TRRAP: variants seen among roughly 807,000 people sequenced by gnomAD.
TRRAP encodes the protein transformation/transcription domain associated protein, also known as transformation/transcription domain-associated protein.
TRRAP carries 41 observed loss-of-function variants against 438.8 expected under a neutral mutation model. The observed-to-expected ratio is 0.09, with a 90% confidence interval of 0.07 to 0.12. The LOEUF is 0.12. Ranked by LOEUF, TRRAP falls within the 10% of genes least tolerant of loss-of-function variation. The probability of loss-of-function intolerance (pLI) is 1.00; values close to 1 mark genes in which losing one functional copy is unlikely to be tolerated. For synonymous variants in TRRAP, 1,994 were observed against 1,962.9 expected, an observed-to-expected ratio of 1.02 and a Z score of -0.42; for missense variants, 3,122 against 5,055.1, an observed-to-expected ratio of 0.62 and a Z score of 11.60.
chr7:98,973,964 C>T (rs548320294), intron 53 of TRRAP, among the ~76,000 whole-genome samples: 10 of 152,328 alleles, frequency 6.6e-5, no homozygotes, highest in African/African-American at 2.2e-4. Flanking sequence ...CCATTTTCCT[C>T]GTTCACCTTT....
intron 62 of TRRAP, among the ~76,000 whole-genome samples, chr7:98,986,751 C>T (rs1185028353): frequency 3.3e-5 from 5 of 152,100 alleles, no homozygotes; most frequent in South Asian, 2.1e-4. Context: ...ATACTTTTCA[C>T]GTCTTCTAAG....
intron 53 of TRRAP, among the ~76,000 whole-genome samples, 191 bp downstream of exon 53, chr7:98,972,136 G>C (rs553760137): frequency 3.3e-5 from 5 of 152,276 alleles, no homozygotes; most frequent in African/African-American, 1.2e-4. Context: ...TCAGTCTCCT[G>C]GGCCAAGCGA....
intron 69 of TRRAP, among the ~76,000 whole-genome samples, chr7:99,006,860 G>A (rs932853706): frequency 6.6e-6 from 1 of 152,170 alleles, no homozygotes; most frequent in Non-Finnish European, 1.5e-5. Context: ...TATGGGGTAG[G>A]TACTATTATC....
intron 51 of TRRAP, among the ~76,000 whole-genome samples, chr7:98,968,465 A>G (rs1231704883): frequency 6.6e-6 from 1 of 152,216 alleles, no homozygotes; most frequent in South Asian, 2.1e-4. Context: ...GTCCAGACCT[A>G]GAGTAGAATT....
At chr7:98,991,142 A>G (rs192398328) in intron 64 of TRRAP, among the ~76,000 whole-genome samples, 6 of 152,320 alleles carry the variant, frequency 3.9e-5, no homozygotes, top group South Asian at 2.1e-4. Flanking sequence ...CCCTATGGAA[A>G]GGCTCTCATA....
intron 39 of TRRAP, among the ~76,000 whole-genome samples, chr7:98,951,620 GTGTT>G (rs1791342184): frequency 6.6e-6 from 1 of 152,192 alleles, no homozygotes; most frequent in African/African-American, 2.4e-5. Context: ...CTCACACTGA[GTGTT>G]TGTTGGAATG....
chr7:98,918,997 A>G (rs1355971867), intron 20 of TRRAP, among the ~76,000 whole-genome samples: 2 of 152,062 alleles, frequency 1.3e-5, no homozygotes, highest in South Asian at 2.1e-4. Flanking sequence ...AAAAAAAAAA[A>G]AAAGAAAAAA....
intron 19 of TRRAP, among the ~76,000 whole-genome samples, chr7:98,916,794 C>T (rs1363612287): frequency 6.6e-6 from 1 of 152,200 alleles, no homozygotes; most frequent in East Asian, 1.9e-4. Context: ...CCTCTATCCT[C>T]CTCATCCTTT....
chr7:98,975,073 G>A (rs1050683680), intron 53 of TRRAP, among the ~76,000 whole-genome samples: 1 of 152,228 alleles, frequency 6.6e-6, no homozygotes, highest in South Asian at 2.1e-4. Flanking sequence ...ACGTGGAGCT[G>A]AGAGCCCCTG....
At position 99,011,487 on chromosome 7, in the gene TRRAP, A is replaced by G. The variant is rs778495492; in HGVS notation, c.11289A>G (p.Thr3763=). 3.7e-6 allele frequency: 6 copies of G among 1,614,114 alleles called. 1 individual carries two copies. The African/African-American group carries it at 5.3e-5, about 14-fold the overall frequency. ...LTTIGVSGPL[T]ASMIAVARCF... ...CCATCGGGGTCTCCGGCCCGTTGAC[A>G]GCGTCCATGATTGCGGTCGCCCGGT... is the stretch of plus-strand genomic sequence containing the variant. The change falls in exon 72 of 73, where the codon ACA becomes ACG. Residue 3763 remains threonine (T), a synonymous_variant. Transcript: ENST00000456197. The surrounding 1 kb of genome is among the most constrained non-coding windows in gnomAD (Gnocchi z 7.1).
chr7:98,988,378 TAAAC>T (rs1208444594), intron 62 of TRRAP, among the ~76,000 whole-genome samples: 1 of 152,228 alleles, frequency 6.6e-6, no homozygotes. Context: ...AATGAACAGA[TAAAC>T]AAAATGTTTA....
intron 30 of TRRAP, among the ~76,000 whole-genome samples, chr7:98,941,558 AAG>A (rs1554415598): frequency 6.6e-6 from 1 of 152,182 alleles, no homozygotes; most frequent in East Asian, 1.9e-4. Context: ...TTGGGAAAAA[AAG>A]AATGGTGATG....
intron 60 of TRRAP, 30 bp from the exon 61 acceptor site, chr7:98,984,062 TG>T: frequency 6.5e-7 from 1 of 1,540,274 alleles, no homozygotes. Flanking sequence ...AGGATCGGTG[TG>T]GGCTAATGAT....
At position 98,949,672 on chromosome 7, in the gene TRRAP, A is replaced by G; in HGVS notation, c.4966A>G (p.Ile1656Val). ...QFQAIKIISI[I>V]VKNDDSWLAS... ...TCTTCTTTGACAGATCATAAGCATT[A>G]TAGTGAAAAACGATGACTCCTGGCT... The change falls in exon 37 of 73, where the codon ATA (isoleucine) becomes GTA (valine). Residue 1656 changes from isoleucine to valine, a missense_variant. Ile to Val is a conservative substitution (Grantham distance 29). Around this residue, in one of 24 missense-constraint regions of TRRAP, gnomAD observed 272 missense variants for 348.5 expected, o/e 0.78. Transcript: ENST00000456197. 2 of 1,613,410 alleles carry G rather than the reference A, an allele frequency of 1.2e-6. No homozygotes were observed. Among genetic ancestry groups the G allele is most frequent in the Non-Finnish European group, 1.7e-6 (2 of 1,179,720 alleles).
At position 99,013,126 on chromosome 7, in the gene TRRAP, C is replaced by T. The variant is rs967405761; in HGVS notation, c.*771C>T. 2.3e-4 allele frequency: 35 copies of T among 152,194 alleles called. No individual in the cohort carries two copies. Among genetic ancestry groups the T allele is most frequent in the Admixed American group, 2.3e-3 (35 of 15,284 alleles). The allele number at this position is 152,194 out of a possible 1,614,324, so 9.4% of individuals were successfully genotyped here. The stretch of plus-strand genomic sequence containing the variant: ...AAAAGACAAAACAGAAATGTACGTT[C>T]CTTCGCTAGCTTTAGTCTTTCTGTT... On this transcript the variant is annotated 3_prime_UTR_variant, in exon 73 of 73. Coordinates refer to ENST00000456197, the MANE Select transcript of TRRAP (RefSeq NM_001375524.1).
intron 18 of TRRAP, among the ~76,000 whole-genome samples, chr7:98,912,891 C>T (rs1469845120): frequency 1.3e-5 from 2 of 152,170 alleles, no homozygotes; most frequent in Admixed American, 6.5e-5. Context: ...AGACTCCGTT[C>T]TCCCAGAGCT....
intron 53 of TRRAP, among the ~76,000 whole-genome samples, chr7:98,974,081 G>A (rs1792540064): frequency 6.6e-6 from 1 of 152,218 alleles, no homozygotes; most frequent in South Asian, 2.1e-4. Context: ...GTCCTCAGTA[G>A]GGTGTATGTT....
chr7:98,929,000 C>T (rs868976798), intron 23 of TRRAP, among the ~76,000 whole-genome samples: 2 of 150,214 alleles, frequency 1.3e-5, no homozygotes, highest in Admixed American at 6.7e-5. Context: ...TGCAGTGGTG[C>T]GATCTCAGCT....
At chr7:98,900,571 TACTA>T (rs1796427697) in intron 10 of TRRAP, 49 bp from the exon 11 acceptor site, 8 of 1,466,744 alleles carry the variant, frequency 5.5e-6, no homozygotes, top group Non-Finnish European at 7.5e-6. Context: ...TTTTAATTAA[TACTA>T]ACATCACTCA....
Sources: gnomAD v4.1 joint callset for allele counts (sites outside exome capture counted in the v4.1 genomes callset) on GRCh38, gnomAD v4.1.1 for gene constraint, gnomAD v4.1.1 regional missense constraint, Gnocchi (gnomAD v3.1) non-coding constraint, MANE v1.5 for transcripts, NCBI Gene and HGNC (gene_info 2026-07-23, HGNC 2026-07-21) for gene names.